NCR3LG1: variants seen among roughly 807,000 people sequenced by gnomAD.
The protein encoded by NCR3LG1 is natural killer cell cytotoxicity receptor 3 ligand 1.
NCR3LG1 carries 35 observed loss-of-function variants against 34.8 expected under a neutral mutation model. The observed-to-expected ratio is 1.01, with a 90% CI of 0.77 to 1.33. The LOEUF is 1.33. Ranked by LOEUF, NCR3LG1 falls within the 40% of genes most tolerant of loss-of-function variation. The pLI, the probability that NCR3LG1 is intolerant of heterozygous loss-of-function variation, is 0.00. For missense variants in NCR3LG1, 452 were observed against 423.3 expected (o/e 1.07, Z -0.60); for synonymous variants, 173 against 163.6 (o/e 1.06, Z -0.44).
intron 2 of NCR3LG1, among the ~76,000 whole-genome samples, chr11:17,362,172 T>C (rs966233645): frequency 6.6e-6 from 1 of 152,236 alleles, no homozygotes; most frequent in Non-Finnish European, 1.5e-5. Context: ...TAAGAGTTTT[T>C]CATATGAATC....
At position 17,376,791 on chromosome 11, in the gene NCR3LG1, G is replaced by A. The variant is rs1346463992; in HGVS notation, c.*4279G>A. On this transcript the variant is annotated 3_prime_UTR_variant, in exon 5 of 5. Coordinates refer to ENST00000338965, the MANE Select transcript of NCR3LG1 (RefSeq NM_001202439.3). The stretch of plus-strand genomic sequence containing the variant: ...AGCAGAGGAAAAGGACCATACCTGG[G>A]AGATCTCAAATATTATAACACCATA... 3 of 152,188 alleles carry A rather than the reference G, an allele frequency of 2.0e-5. No homozygotes were observed. The highest frequency in any genetic ancestry group is 4.4e-5 in the Non-Finnish European group (3 of 68,034). 9.4% of individuals were successfully genotyped at this position (152,188 alleles called of 1,614,324 possible).
chr11:17,381,405 C>T (rs1474236189), downstream of NCR3LG1: 2 of 152,638 alleles, frequency 1.3e-5, no homozygotes, highest in Non-Finnish European at 2.9e-5. Context: ...ACAGCCTGCT[C>T]AAGAGCACAC....
At chr11:17,359,674 G>A (rs1484605945) in intron 2 of NCR3LG1, among the ~76,000 whole-genome samples, 1 of 151,878 alleles carries the variant, frequency 6.6e-6, no homozygotes, top group Non-Finnish European at 1.5e-5. Flanking sequence ...ACCACGCCTG[G>A]CTAATTTTTG....
At chr11:17,365,528 G>C (rs1953335841) in intron 2 of NCR3LG1, among the ~76,000 whole-genome samples, 1 of 152,152 alleles carries the variant, frequency 6.6e-6, no homozygotes, top group African/African-American at 2.4e-5. Flanking sequence ...ATACAGAAAG[G>C]CTATAGACAG....
chr11:17,355,268 G>A (rs2133339513), intron 1 of NCR3LG1, among the ~76,000 whole-genome samples: 1 of 152,144 alleles, frequency 6.6e-6, no homozygotes, highest in East Asian at 1.9e-4. Context: ...ATGGTGGCAT[G>A]TGCCTGTAGT....
chr11:17,371,835 G>A (rs1953408903), intron 4 of NCR3LG1, among the ~76,000 whole-genome samples, 171 bp from the exon 5 acceptor site: 1 of 152,148 alleles, frequency 6.6e-6, no homozygotes. Flanking sequence ...GGATTCATGG[G>A]TGAAGGTCAT....
downstream of NCR3LG1, among the ~76,000 whole-genome samples, chr11:17,379,770 TG>T (rs1953504220): frequency 6.6e-6 from 1 of 152,202 alleles, no homozygotes; most frequent in Admixed American, 6.5e-5. Context: ...ATATTTAAAA[TG>T]TTTTTTAAAG....
At chr11:17,357,951 C>G (rs2133343668) in intron 2 of NCR3LG1, among the ~76,000 whole-genome samples, 1 of 152,256 alleles carries the variant, frequency 6.6e-6, no homozygotes, top group Non-Finnish European at 1.5e-5. Flanking sequence ...GATCCTTGTG[C>G]CCGGGCCTCT....
Position 17,353,025 on chromosome 11 carries a change from C to T in NCR3LG1, c.70+986C>T, listed in dbSNP as rs190774983. ...GAATCCCGGAGGCGCGCTCTGGGCG[C>T]CCCGAGTCACTGCAGGTGGAGGAGA... On this transcript the variant is annotated intron_variant, in intron 1 of 4. Coordinates refer to ENST00000338965, the MANE Select transcript of NCR3LG1 (RefSeq NM_001202439.3). Among the ~76,000 whole-genome samples the T allele has an allele frequency of 1.5e-3, 230 of 152,288 alleles. 1 individual carries two copies. The highest frequency in any genetic ancestry group is 5.6e-3 in the Admixed American group (85 of 15,298).
chr11:17,374,111 A>C lies in NCR3LG1; in HGVS notation c.*1599A>C, dbSNP rs1427884434. The C allele has an allele frequency of 6.6e-6, 1 of 152,118 alleles. No homozygotes were observed. Among genetic ancestry groups the C allele is most frequent in the Non-Finnish European group, 1.5e-5 (1 of 68,028 alleles). The allele number at this position is 152,118 out of a possible 1,614,324, so 9.4% of individuals were successfully genotyped here. On this transcript the variant is annotated 3_prime_UTR_variant, in exon 5 of 5. Coordinates refer to ENST00000338965, the MANE Select transcript of NCR3LG1 (RefSeq NM_001202439.3). ...CCCAATATTAGGGGTGCAAAAATCC[A>C]ATGGGGAAGGGAGACTAGTTCAGGA...
At chr11:17,363,542 C>CCCTTCCTTCCTTCCTT (rs1227232391) in intron 2 of NCR3LG1, among the ~76,000 whole-genome samples, 55 of 54,658 alleles carry the variant, frequency 1.0e-3, no homozygotes, top group African/African-American at 4.2e-3. Flanking sequence ...CTCCCTCCCT[C>CCCTTCCTTCCTTCCTT]CCTTCCTTCC....
chr11:17,363,574 C>CTT (rs1439039651), intron 2 of NCR3LG1, among the ~76,000 whole-genome samples: 18 of 64,052 alleles, frequency 2.8e-4, no homozygotes, highest in Admixed American at 1.9e-4. Flanking sequence ...CTTCCTCTTT[C>CTT]TCTCTTTTCT....
At position 17,356,822 on chromosome 11, in the gene NCR3LG1, T is replaced by A; in HGVS notation, c.242T>A (p.Phe81Tyr). ...GACAAAGAAGTCAAAGTCTTTGAAT[T>A]TTTTGGAGATCACCAAGAGGCATTC... ...TFDKEVKVFE[F>Y]FGDHQEAFRP... Residue 81 changes from phenylalanine (F) to tyrosine (Y), a missense_variant, in exon 2 of 5, where the codon TTT becomes TAT. By Grantham distance (22) the Phe-to-Tyr change is conservative. Transcript: ENST00000338965. The A allele has an allele frequency of 1.3e-6, 2 of 1,536,178 alleles. No homozygotes were observed. Among genetic ancestry groups the A allele is most frequent in the Non-Finnish European group, 1.7e-6 (2 of 1,146,924 alleles).
At chr11:17,369,037 A>C (rs1591685699) in intron 4 of NCR3LG1, 73 bp downstream of exon 4, 3 of 928,582 alleles carry the variant, frequency 3.2e-6, no homozygotes, top group Non-Finnish European at 4.8e-6. Context: ...GCTGCTGCCA[A>C]CCTTACAAGC....
At chr11:17,363,039 G>T (rs1953299892) in intron 2 of NCR3LG1, among the ~76,000 whole-genome samples, 1 of 150,012 alleles carries the variant, frequency 6.7e-6, no homozygotes, top group African/African-American at 2.5e-5. Flanking sequence ...TCCCACCTCG[G>T]CCTCTGGAAT....
Position 17,368,866 on chromosome 11 carries a change from GAA to G in NCR3LG1, c.762_763del (p.Glu254AspfsTer2), listed in dbSNP as rs1374297829. The G allele has an allele frequency of 3.9e-6, 6 of 1,527,014 alleles. No homozygotes were observed. In the Admixed American group the frequency reaches 9.9e-5, roughly 25 times the overall value. The allele number at this position is 1,527,014 out of a possible 1,614,324, so 94.6% of individuals were successfully genotyped here. ...TLTAARHSLSETEKTDNFSIH... is the reference protein window; with the variant it reads ...TLTAARHSLSXTEKTDNFSIH... ...CTAATGTTTTCCTTCTCTCTCTGCA[GAA>G]ACTGAGAAGACAGATAATTTTTCCA... On this transcript the variant is annotated frameshift_variant and splice_region_variant, in exon 4 of 5. Coordinates refer to ENST00000338965, the MANE Select transcript of NCR3LG1 (RefSeq NM_001202439.3). LOFTEE classifies it high-confidence loss of function.
chr11:17,353,234 T>A (rs1233028406), intron 1 of NCR3LG1, among the ~76,000 whole-genome samples: 8 of 152,232 alleles, frequency 5.3e-5, no homozygotes, highest in African/African-American at 1.9e-4. Context: ...AAAAATTACA[T>A]GTTAAACACC....
At chr11:17,359,969 G>T (rs996425571) in intron 2 of NCR3LG1, among the ~76,000 whole-genome samples, 40 of 152,120 alleles carry the variant, frequency 2.6e-4, no homozygotes, top group African/African-American at 8.9e-4. Flanking sequence ...AGGCTGGAGT[G>T]CAGTGGTGTG....
intron 1 of NCR3LG1, among the ~76,000 whole-genome samples, chr11:17,353,178 C>T (rs1454444727): frequency 6.6e-6 from 1 of 152,206 alleles, no homozygotes; most frequent in Non-Finnish European, 1.5e-5. Flanking sequence ...CAATGCAATA[C>T]CATTTCCACA....
Sources: allele counts gnomAD v4.1 joint callset (sites outside exome capture counted in the v4.1 genomes callset), GRCh38; gene constraint gnomAD v4.1.1; transcripts MANE v1.5; gene names NCBI Gene and HGNC (gene_info 2026-07-23, HGNC 2026-07-21).